Variants in DIAPH1 observed in about 807,000 individuals in gnomAD.
The protein encoded by DIAPH1 is protein diaphanous homolog 1.
Under a neutral mutation model 140.7 loss-of-function variants are expected in DIAPH1, and 46 were observed. The ratio of observed to expected loss-of-function variants is 0.33; its 90% CI spans 0.26 to 0.42. The LOEUF (loss-of-function observed/expected upper bound fraction) is 0.42. Among genes scored for constraint, DIAPH1 ranks in the 10% least tolerant of loss-of-function variants. The pLI, the probability that DIAPH1 is intolerant of heterozygous loss-of-function variation, is 1.00. For missense variants in DIAPH1, 1,310 were observed against 1,558.7 expected (o/e 0.84, Z 2.69); for synonymous variants, 565 against 551.6 (o/e 1.02, Z -0.34).
chr5:141,611,823 T>C (rs2099901886), intron 1 of DIAPH1, among the ~76,000 whole-genome samples: 1 of 152,224 alleles, frequency 6.6e-6, no homozygotes, highest in South Asian at 2.1e-4. Flanking sequence ...TCCCAGCACT[T>C]TGGGAGGCCC....
Position 141,534,317 on chromosome 5 carries a change from G to C in DIAPH1, c.2581+18C>G, listed in dbSNP as rs2099888704. On this transcript the variant is annotated intron_variant, in intron 19 of 27. Transcript: ENST00000389054. ...AATTCCTTCACATTTTGAATAGTTG[G>C]GACCAAGAGATACTCACAGAGATTC... 1 of 1,568,926 alleles carries C rather than the reference G, an allele frequency of 6.4e-7. No individual in the cohort carries two copies. The highest frequency in any genetic ancestry group is 2.2e-5 in the East Asian group (1 of 44,674).
At position 141,516,700 on chromosome 5, in the gene DIAPH1, T is replaced by C. The variant is rs1475367418; in HGVS notation, c.*151A>G. 11 of 847,918 alleles carry C rather than the reference T, an allele frequency of 1.3e-5. No individual in the cohort carries two copies. Among genetic ancestry groups the C allele is most frequent in the African/African-American group, 6.7e-5 (4 of 59,954 alleles). 52.5% of individuals were successfully genotyped at this position (847,918 alleles called of 1,614,324 possible). ...CAGGCAGCTGAAGCTGTATGTGATG[T>C]TGAGAGAGCAGCAGGCCAGAGAGAA... On this transcript the variant is annotated 3_prime_UTR_variant, in exon 28 of 28. Coordinates refer to ENST00000389054, the MANE Select transcript of DIAPH1 (RefSeq NM_005219.5).
At chr5:141,552,646 A>C (rs1313923741) in intron 18 of DIAPH1, among the ~76,000 whole-genome samples, 1 of 152,202 alleles carries the variant, frequency 6.6e-6, no homozygotes, top group South Asian at 2.1e-4. Context: ...TAAGTCACTA[A>C]ATTTGTGGTA....
intron 19 of DIAPH1, among the ~76,000 whole-genome samples, chr5:141,530,569 A>G (rs2099888054): frequency 6.6e-6 from 1 of 152,144 alleles, no homozygotes; most frequent in South Asian, 2.1e-4. Context: ...TGTGTGTCCC[A>G]ATTCCACTTT....
intron 26 of DIAPH1, 122 bp downstream of exon 26, chr5:141,525,916 A>C (rs1017263417): frequency 5.9e-5 from 89 of 1,508,860 alleles, no homozygotes; most frequent in Non-Finnish European, 7.8e-5. Context: ...CTCGGAGTGA[A>C]GACTGCCAAA....
intron 18 of DIAPH1, among the ~76,000 whole-genome samples, chr5:141,567,446 G>A (rs986574894): frequency 1.3e-5 from 2 of 152,140 alleles, no homozygotes; most frequent in East Asian, 3.9e-4. Context: ...CTAGTAGTCT[G>A]ACCCTACTCA....
chr5:141,557,870 A>G (rs2099892886), intron 18 of DIAPH1: 2 of 152,278 alleles, frequency 1.3e-5, no homozygotes, highest in Admixed American at 1.3e-4. Context: ...GCTGCGCCTC[A>G]GCCAGTCTCC....
At chr5:141,520,988 C>T (rs1273901500) in intron 27 of DIAPH1, among the ~76,000 whole-genome samples, 1 of 152,204 alleles carries the variant, frequency 6.6e-6, no homozygotes, top group Non-Finnish European at 1.5e-5. Flanking sequence ...GCAAGCTCCG[C>T]CTCCTGGGTT....
At chr5:141,571,703 T>C in intron 17 of DIAPH1, 2 of 679,022 alleles carry the variant, frequency 2.9e-6, no homozygotes, top group Non-Finnish European at 5.3e-6. Context: ...GTTATACTGA[T>C]ACAAAATACC....
In DIAPH1 at chr5:141,618,992, C is replaced by A. The variant is rs2099903177; in HGVS notation, c.-78G>T. 6.6e-6 allele frequency: 5 copies of A among 760,974 alleles called. No homozygotes were observed. Among genetic ancestry groups the A allele is most frequent in the Admixed American group, 4.4e-5 (1 of 22,528 alleles). The allele number at this position is 760,974 out of a possible 1,614,324, so 47.1% of individuals were successfully genotyped here. ...AGCTCCGCGCCCGCCGCCGCCCAGT[C>A]GCTCTTTAGCCAGCCGCCGCGCCCC... On this transcript the variant is annotated 5_prime_UTR_variant, in exon 1 of 28. Coordinates refer to ENST00000389054, the MANE Select transcript of DIAPH1 (RefSeq NM_005219.5).
intron 24 of DIAPH1, 56 bp downstream of exon 24, chr5:141,527,517 C>T: frequency 3.7e-6 from 6 of 1,600,492 alleles, no homozygotes; most frequent in South Asian, 1.1e-5. Flanking sequence ...TCCCCCACTA[C>T]AGGAAGTTTT....
At position 141,583,212 on chromosome 5, in the gene DIAPH1, G is replaced by A. The variant is rs1489026152; in HGVS notation, c.614C>T (p.Thr205Ile). 1 of 1,614,050 alleles carries A rather than the reference G, an allele frequency of 6.2e-7. No individual in the cohort carries two copies. ...LKRLHDEKEE[T>I]AGSYDSRNKH... ...AAGACTTGGAAGTCCTCACCCAGCAGTCTCTTCTTTCTCATCATGAAGTCG... is the reference window on the plus strand; with the variant it reads ...AAGACTTGGAAGTCCTCACCCAGCAATCTCTTCTTTCTCATCATGAAGTCG... The change falls in exon 6 of 28, where the codon ACT (threonine) becomes ATT (isoleucine). Residue 205 changes from threonine (T) to isoleucine (I), a missense_variant. Coordinates refer to ENST00000389054, the MANE Select transcript of DIAPH1 (RefSeq NM_005219.5).
Position 141,573,459 on chromosome 5 carries a change from T to C in DIAPH1, c.2358+33A>G, listed in dbSNP as rs769749355. 3.9e-6 allele frequency: 6 copies of C among 1,557,336 alleles called. No homozygotes were observed. In the East Asian group the frequency reaches 1.1e-4, roughly 30 times the overall value. ...CAAAAAAAAAAAAAAAAAAAAAAGA[T>C]TGACTGGTGAAGAAATAGACAGAAA... On this transcript the variant is annotated intron_variant, in intron 16 of 27. Transcript: ENST00000389054.
chr5:141,588,003 T>G (rs1223953226), intron 2 of DIAPH1, among the ~76,000 whole-genome samples: 2 of 152,206 alleles, frequency 1.3e-5, no homozygotes, highest in African/African-American at 4.8e-5. Flanking sequence ...AAGTCAGCTT[T>G]GAGTTTAAAG....
chr5:141,574,249 T>G, intron 15 of DIAPH1, 41 bp from the exon 16 acceptor site: 1 of 1,601,756 alleles, frequency 6.2e-7, no homozygotes, highest in Non-Finnish European at 8.6e-7. Flanking sequence ...TCACCCCACT[T>G]CAGGGACTAC....
Position 141,578,247 on chromosome 5 carries a change from C to A in DIAPH1, c.1141G>T (p.Asp381Tyr). 1 of 1,614,000 alleles carries A rather than the reference C, an allele frequency of 6.2e-7. No individual in the cohort carries two copies. The highest frequency in any genetic ancestry group is 1.1e-5 in the South Asian group (1 of 91,068). The change falls in exon 11 of 28, where the codon GAT (aspartate) becomes TAT (tyrosine). Residue 381 changes from aspartate to tyrosine, a missense_variant. By Grantham distance (160) the Asp-to-Tyr change is radical. Coordinates refer to ENST00000389054, the MANE Select transcript of DIAPH1 (RefSeq NM_005219.5). ...TATTCCATCTCCATGCGAATGTCAT[C>A]CAGCCGTCCCTTCAGGTCATAGGAA... ...EDSYDLKGRLDDIRMEMDDFN... is the reference protein window; with the variant it reads ...EDSYDLKGRLYDIRMEMDDFN...
At chr5:141,590,664 T>C (rs143963267) in intron 1 of DIAPH1, among the ~76,000 whole-genome samples, 1 of 151,722 alleles carries the variant, frequency 6.6e-6, no homozygotes, top group Non-Finnish European at 1.5e-5. Flanking sequence ...AACTCTAAGA[T>C]AGATGTAATG....
At chr5:141,593,618 G>GC (rs765899209) in intron 1 of DIAPH1, among the ~76,000 whole-genome samples, 2 of 152,166 alleles carry the variant, frequency 1.3e-5, no homozygotes, top group Non-Finnish European at 2.9e-5. Flanking sequence ...TACTAAGGTG[G>GC]CTAGTGTAAG....
chr5:141,613,316 C>T (rs1374206736), intron 1 of DIAPH1, among the ~76,000 whole-genome samples: 2 of 152,114 alleles, frequency 1.3e-5, no homozygotes, highest in East Asian at 3.8e-4. Context: ...CAATAGAGAG[C>T]CAATTTCTTC....
Sources: allele counts gnomAD v4.1 joint callset (sites outside exome capture counted in the v4.1 genomes callset), GRCh38; gene constraint gnomAD v4.1.1; transcripts MANE v1.5; gene names NCBI Gene and HGNC (gene_info 2026-07-23, HGNC 2026-07-21).